Variants in CLIC5 observed in about 807,000 individuals in gnomAD.
The protein encoded by CLIC5 is CLIC family member 5, also known as chloride intracellular channel protein 5.
Under a neutral mutation model 24.7 loss-of-function variants are expected in CLIC5, and 20 were observed. The ratio of observed to expected loss-of-function variants is 0.81; its 90% CI spans 0.57 to 1.18. The LOEUF is 1.18. CLIC5 is among the 50% of genes most tolerant of loss of function. The pLI, the probability that CLIC5 is intolerant of heterozygous loss-of-function variation, is 0.00. For missense variants in CLIC5, 341 were observed against 326.1 expected (o/e 1.05, Z -0.35); for synonymous variants, 159 against 135.6 (o/e 1.17, Z -1.20).
At chr6:45,913,831 T>A in intron 5 of CLIC5, 1 of 1,230,962 alleles carries the variant, frequency 8.1e-7, no homozygotes, top group Non-Finnish European at 1.0e-6. Context: ...AAAGAAAAAA[T>A]GCATATGAGG....
Position 45,902,943 on chromosome 6 carries a change from G to T in CLIC5, c.*145C>A, listed in dbSNP as rs551271527. On this transcript the variant is annotated 3_prime_UTR_variant, in exon 6 of 6. Transcript: ENST00000339561. ...TGCTGACCTTCATGAAAGATAGCAG[G>T]CTGGAGTTCCCATGATACCAGCAAG... 6 of 821,094 alleles carry T rather than the reference G, an allele frequency of 7.3e-6. No homozygotes were observed. In the East Asian group the frequency reaches 7.5e-5, roughly 10 times the overall value. 50.9% of individuals were successfully genotyped at this position (821,094 alleles called of 1,614,324 possible). A position where few individuals can be genotyped will look rare whatever the true frequency, so the allele number is the denominator to read the frequency against.
intron 1 of CLIC5, among the ~76,000 whole-genome samples, chr6:46,067,225 T>C (rs535926628): frequency 1.6e-4 from 24 of 152,116 alleles, no homozygotes; most frequent in African/African-American, 5.8e-4. Context: ...TACAACAAGC[T>C]CAGTGCCCCC....
chr6:46,015,789 G>GA lies in CLIC5; in HGVS notation c.-248dup. The GA allele has an allele frequency of 8.2e-7, 1 of 1,216,680 alleles. No individual in the cohort carries two copies. The highest frequency in any genetic ancestry group is 3.8e-5 in the South Asian group (1 of 26,190). The allele number at this position is 1,216,680 out of a possible 1,614,324, so 75.4% of individuals were successfully genotyped here. ...GGCCACGGGGAAAGCCGGGTTAAGG[G>GA]AATGACAACAGGTCGTGGGAGCAAC... On this transcript the variant is annotated 5_prime_UTR_variant, in exon 1 of 6. Transcript: ENST00000339561.
At chr6:45,950,178 A>T (rs1764421526) in intron 2 of CLIC5, among the ~76,000 whole-genome samples, 1 of 152,230 alleles carries the variant, frequency 6.6e-6, no homozygotes, top group Non-Finnish European at 1.5e-5. Flanking sequence ...CTTACGATTC[A>T]AGCTCCATGA....
intron 6 of CLIC5, among the ~76,000 whole-genome samples, chr6:45,891,379 G>A (rs747021734): frequency 2.0e-4 from 30 of 151,782 alleles, no homozygotes; most frequent in Non-Finnish European, 2.6e-4. Context: ...GGCTCACCCC[G>A]GTAATTCCAA....
chr6:45,989,994 T>C (rs1162910463), intron 1 of CLIC5, among the ~76,000 whole-genome samples: 1 of 152,144 alleles, frequency 6.6e-6, no homozygotes, highest in Non-Finnish European at 1.5e-5. Flanking sequence ...AGCTTGGAAG[T>C]GAATCCCTAT....
chr6:45,993,298 A>G (rs1766007515), intron 1 of CLIC5, among the ~76,000 whole-genome samples: 1 of 152,232 alleles, frequency 6.6e-6, no homozygotes, highest in African/African-American at 2.4e-5. Flanking sequence ...AACTGAGCAA[A>G]ATACATTTTG....
chr6:45,986,600 T>C (rs1765746141), intron 1 of CLIC5, among the ~76,000 whole-genome samples: 1 of 152,206 alleles, frequency 6.6e-6, no homozygotes. Context: ...TTTAAACTTT[T>C]TTTTCTATAG....
chr6:45,990,758 C>A (rs1237690809), intron 1 of CLIC5, among the ~76,000 whole-genome samples: 1 of 152,322 alleles, frequency 6.6e-6, no homozygotes, highest in South Asian at 2.1e-4. Context: ...CTTGAGTTTG[C>A]AATATAATGA....
At chr6:45,912,827 G>A in intron 5 of CLIC5, 1 of 933,550 alleles carries the variant, frequency 1.1e-6, no homozygotes, top group Non-Finnish European at 1.7e-6. Flanking sequence ...ACCTACAAGT[G>A]ACTATTGGCT....
At chr6:45,971,402 T>C (rs115554073) in intron 1 of CLIC5, among the ~76,000 whole-genome samples, 126 of 152,302 alleles carry the variant, frequency 8.3e-4, no homozygotes, top group African/African-American at 2.7e-3. Context: ...TCATCTCGTC[T>C]CCACCCAAAC....
chr6:46,026,322 C>T (rs536959735), intron 1 of CLIC5, among the ~76,000 whole-genome samples: 1 of 152,250 alleles, frequency 6.6e-6, no homozygotes, highest in Non-Finnish European at 1.5e-5. Context: ...CCATATACAT[C>T]CTTATATATG....
intron 6 of CLIC5, among the ~76,000 whole-genome samples, chr6:45,890,910 T>C (rs981749616): frequency 6.6e-6 from 1 of 151,872 alleles, no homozygotes; most frequent in African/African-American, 2.4e-5. Flanking sequence ...TACCAGAGGC[T>C]GGGGGAATGA....
At chr6:46,111,842 C>A in the CLIC5 span, among the ~76,000 whole-genome samples, 1 of 152,062 alleles carries the variant, frequency 6.6e-6, no homozygotes, top group Non-Finnish European at 1.5e-5. Flanking sequence ...CTGTGCTGTT[C>A]TCATGATAGT....
chr6:45,918,302 G>A (rs960736501), intron 4 of CLIC5, among the ~76,000 whole-genome samples: 1 of 152,162 alleles, frequency 6.6e-6, no homozygotes, highest in African/African-American at 2.4e-5. Flanking sequence ...GAGAAATAAT[G>A]ACTTGGAAAC....
At chr6:46,094,127 C>T in the CLIC5 span, among the ~76,000 whole-genome samples, 1 of 152,218 alleles carries the variant, frequency 6.6e-6, no homozygotes, top group African/African-American at 2.4e-5. Context: ...ATCACCAGAA[C>T]AGCACTAAAT....
chr6:45,946,432 T>C (rs1313426949), intron 3 of CLIC5, among the ~76,000 whole-genome samples: 2 of 152,264 alleles, frequency 1.3e-5, no homozygotes, highest in Non-Finnish European at 2.9e-5. Flanking sequence ...GGAGTGTTTG[T>C]ATGTGGTTTT....
At chr6:45,912,543 G>A (rs1762858049) in intron 5 of CLIC5, 2 of 1,389,012 alleles carry the variant, frequency 1.4e-6, no homozygotes, top group Admixed American at 2.7e-5. Flanking sequence ...AAGGCAAGAA[G>A]GAATACAATC....
At chr6:45,925,278 A>G (rs764168352) in intron 4 of CLIC5, among the ~76,000 whole-genome samples, 2 of 151,822 alleles carry the variant, frequency 1.3e-5, no homozygotes, top group African/African-American at 4.8e-5. Context: ...TTGCCAATAT[A>G]CATAGGTATT....
Sources: allele counts gnomAD v4.1 joint callset (sites outside exome capture counted in the v4.1 genomes callset), GRCh38; gene constraint gnomAD v4.1.1; transcripts MANE v1.5; gene names NCBI Gene and HGNC (gene_info 2026-07-23, HGNC 2026-07-21).